MATN2: variants seen among roughly 807,000 people sequenced by gnomAD.
MATN2 encodes matrilin 2.
A neutral mutation model predicts 103.2 loss-of-function variants in MATN2; 69 were observed. The ratio of observed to expected loss-of-function variants is 0.67; its 90% CI spans 0.55 to 0.82. MATN2 has a LOEUF of 0.82. Among genes scored for constraint, MATN2 ranks in the 40% least tolerant of loss-of-function variants. MATN2 has a pLI of 0.00. For missense variants in MATN2, 1,023 were observed against 1,211.5 expected (o/e 0.84, Z 2.31); for synonymous variants, 429 against 450.2 (o/e 0.95, Z 0.60).
At chr8:97,934,756 T>C (rs140389138) in intron 3 of MATN2, among the ~76,000 whole-genome samples, 1,906 of 152,300 alleles carry the variant, frequency 0.013, 23 homozygotes, top group Non-Finnish European at 0.02. Flanking sequence ...AAGGAGCAGG[T>C]AGGGGAACAG....
At chr8:97,895,970 G>A (rs2444889) in intron 2 of MATN2, among the ~76,000 whole-genome samples, 64,029 of 151,940 alleles carry the variant, frequency 0.42, 15,091 homozygotes, top group Admixed American at 0.54. Context: ...AGAAAGACAC[G>A]CGTACTCTTG....
chr8:97,915,193 T>A (rs894623672), intron 2 of MATN2, among the ~76,000 whole-genome samples: 1 of 152,144 alleles, frequency 6.6e-6, no homozygotes, highest in African/African-American at 2.4e-5. Context: ...GGTATCACCA[T>A]GTTGCCCAGG....
intron 2 of MATN2, among the ~76,000 whole-genome samples, chr8:97,920,096 C>G (rs1045516783): frequency 1.3e-5 from 2 of 152,038 alleles, no homozygotes; most frequent in Non-Finnish European, 2.9e-5. Context: ...TTCATTCTCC[C>G]CTGAACATCA....
chr8:98,035,798 TAAATCAA>T lies in MATN2; in HGVS notation c.*87_*93del. 1.3e-6 allele frequency: 1 copy of T among 771,660 alleles called. No homozygotes were observed. Among genetic ancestry groups the T allele is most frequent in the Non-Finnish European group, 2.0e-6 (1 of 493,700 alleles). The allele number at this position is 771,660 out of a possible 1,614,324, so 47.8% of individuals were successfully genotyped here. A position where few individuals can be genotyped will look rare whatever the true frequency, so the allele number is the denominator to read the frequency against. On this transcript the variant is annotated 3_prime_UTR_variant, in exon 19 of 19. Coordinates refer to ENST00000254898, the MANE Select transcript of MATN2 (RefSeq NM_002380.5). ...AGAGCCCCAAAGCTCAGGCTATTGTTAAATCAATAATGTTGTGAAGTAAAACAATCAG... is the reference window on the plus strand; with the variant it reads ...AGAGCCCCAAAGCTCAGGCTATTGTTTAATGTTGTGAAGTAAAACAATCAG...
At chr8:97,977,420 C>A (rs1030792176) in intron 5 of MATN2, among the ~76,000 whole-genome samples, 7 of 151,892 alleles carry the variant, frequency 4.6e-5, no homozygotes, top group Non-Finnish European at 1.0e-4. Flanking sequence ...CTGCAAAGAC[C>A]CTATTTCCAA....
Position 98,036,516 on chromosome 8 carries a change from C to T in MATN2, c.*804C>T, listed in dbSNP as rs1420560212. On this transcript the variant is annotated 3_prime_UTR_variant, in exon 19 of 19. Coordinates refer to ENST00000254898, the MANE Select transcript of MATN2 (RefSeq NM_002380.5). ...GCACACAACCCTGTAAATCTAGCAA[C>T]TGCACTCAGTTGATTTCAGCCCATA... 1.3e-5 allele frequency: 2 copies of T among 152,186 alleles called. No individual in the cohort carries two copies. The highest frequency in any genetic ancestry group is 2.9e-5 in the Non-Finnish European group (2 of 68,038). The allele number at this position is 152,186 out of a possible 1,614,324, so 9.4% of individuals were successfully genotyped here.
chr8:97,979,023 C>T lies in MATN2; in HGVS notation c.1081+15C>T. On this transcript the variant is annotated intron_variant, in intron 6 of 18. Coordinates refer to ENST00000254898, the MANE Select transcript of MATN2 (RefSeq NM_002380.5). ...AACGTGCACAAGTAAGTTACACACA[C>T]ATGCACACACAGAGAAATATTTGCT... is the stretch of plus-strand genomic sequence containing the variant. 1 of 1,596,764 alleles carries T rather than the reference C, an allele frequency of 6.3e-7. No individual in the cohort carries two copies. Among genetic ancestry groups the T allele is most frequent in the African/African-American group, 1.3e-5 (1 of 74,230 alleles).
rs1586182027 is a variant in MATN2 at position 98,035,809 on chromosome 8, T to C, written c.*97T>C. 1.4e-6 allele frequency: 1 copy of C among 700,030 alleles called. No homozygotes were observed. The allele number at this position is 700,030 out of a possible 1,614,324, so 43.4% of individuals were successfully genotyped here. ...GCTCAGGCTATTGTTAAATCAATAA[T>C]GTTGTGAAGTAAAACAATCAGTACT... On this transcript the variant is annotated 3_prime_UTR_variant, in exon 19 of 19. Coordinates refer to ENST00000254898, the MANE Select transcript of MATN2 (RefSeq NM_002380.5).
At chr8:98,021,396 A>G (rs954000824) in intron 13 of MATN2, 69 bp downstream of exon 13, 2 of 1,542,690 alleles carry the variant, frequency 1.3e-6, no homozygotes, top group Non-Finnish European at 1.8e-6. Context: ...GAGTATTTTC[A>G]GGCAACAAAT....
chr8:97,939,941 C>T (rs1474251099), intron 3 of MATN2, among the ~76,000 whole-genome samples: 1 of 152,102 alleles, frequency 6.6e-6, no homozygotes, highest in Non-Finnish European at 1.5e-5. Context: ...AGGTGAAGGT[C>T]AATGTATATA....
At chr8:97,908,906 G>A (rs1684076788) in intron 2 of MATN2, among the ~76,000 whole-genome samples, 5 of 152,244 alleles carry the variant, frequency 3.3e-5, no homozygotes, top group Admixed American at 3.3e-4. Flanking sequence ...TGGGATTATA[G>A]GTGTAAGCCA....
At chr8:97,925,336 T>G (rs1360697935) in intron 2 of MATN2, among the ~76,000 whole-genome samples, 3 of 152,004 alleles carry the variant, frequency 2.0e-5, no homozygotes, top group Admixed American at 2.0e-4. Flanking sequence ...TTGGTTGCAG[T>G]TTTTCCACAA....
intron 11 of MATN2, among the ~76,000 whole-genome samples, 173 bp from the exon 12 acceptor site, chr8:98,017,821 C>T (rs1361435424): frequency 2.0e-5 from 3 of 152,130 alleles, no homozygotes; most frequent in African/African-American, 4.8e-5. Flanking sequence ...AGGGTTAGCC[C>T]GAATTAGAGC....
intron 2 of MATN2, among the ~76,000 whole-genome samples, chr8:97,922,331 C>G (rs2512069): frequency 0.34 from 52,428 of 152,184 alleles, 9,730 homozygotes; most frequent in East Asian, 0.72. Context: ...GCAGCCCTCC[C>G]TCATGAGTGC....
intron 6 of MATN2, among the ~76,000 whole-genome samples, chr8:97,980,652 C>T (rs1031212856): frequency 6.6e-6 from 1 of 150,504 alleles, no homozygotes; most frequent in Admixed American, 6.6e-5. Flanking sequence ...GCAACCTCCA[C>T]CTCCTGGGTT....
At chr8:97,887,385 A>T (rs924958572) in intron 1 of MATN2, among the ~76,000 whole-genome samples, 1 of 152,076 alleles carries the variant, frequency 6.6e-6, no homozygotes, top group Non-Finnish European at 1.5e-5. Context: ...GACACTTGCT[A>T]ACTGTGTGTG....
chr8:98,015,421 T>G (rs1813325613), intron 10 of MATN2, among the ~76,000 whole-genome samples: 1 of 152,210 alleles, frequency 6.6e-6, no homozygotes, highest in Admixed American at 6.5e-5. Flanking sequence ...CCAGCCAACC[T>G]TGCTGGCCTC....
chr8:98,003,952 A>C, intron 8 of MATN2, 169 bp downstream of exon 8: 1 of 762,310 alleles, frequency 1.3e-6, no homozygotes, highest in Non-Finnish European at 2.1e-6. Flanking sequence ...GTGACTATTA[A>C]TGCTATCGGC....
chr8:97,920,061 T>C, intron 2 of MATN2, among the ~76,000 whole-genome samples: 1 of 152,180 alleles, frequency 6.6e-6, no homozygotes, highest in East Asian at 1.9e-4. Context: ...GAGTGGTGGC[T>C]GGTGGAGAAG....
Sources: allele counts gnomAD v4.1 joint callset (sites outside exome capture counted in the v4.1 genomes callset), GRCh38; gene constraint gnomAD v4.1.1; transcripts MANE v1.5; gene names NCBI Gene and HGNC (gene_info 2026-07-23, HGNC 2026-07-21).